CAMTA1: variants seen among roughly 807,000 people sequenced by gnomAD.
CAMTA1 encodes the protein calmodulin-binding transcription activator 1.
Under a neutral mutation model 170.9 loss-of-function variants are expected in CAMTA1, and 27 were observed. That is an observed-to-expected ratio of 0.16 (90% CI 0.12 to 0.22). The LOEUF is 0.22. Among genes scored for constraint, CAMTA1 ranks in the 10% least tolerant of loss-of-function variants. The pLI, the probability that CAMTA1 is intolerant of heterozygous loss-of-function variation, is 1.00. For synonymous variants in CAMTA1, 833 were observed against 891.5 expected (o/e 0.93, Z 1.17); for missense variants, 1,619 against 2,217.2 (o/e 0.73, Z 5.42).
chr1:7,167,464 T>G (rs1038779617), intron 4 of CAMTA1, among the ~76,000 whole-genome samples: 2 of 149,924 alleles, frequency 1.3e-5, no homozygotes, highest in African/African-American at 4.8e-5. Flanking sequence ...TATTCTTGTC[T>G]CAGCACACCA....
intron 5 of CAMTA1, among the ~76,000 whole-genome samples, chr1:7,403,676 G>A (rs1404108303): frequency 1.3e-5 from 2 of 152,156 alleles, no homozygotes; most frequent in African/African-American, 2.4e-5. Context: ...CTCTGAAGCC[G>A]AGGACCACCA....
chr1:7,608,470 A>G, intron 6 of CAMTA1, among the ~76,000 whole-genome samples: 1 of 152,198 alleles, frequency 6.6e-6, no homozygotes, highest in Admixed American at 6.5e-5. Context: ...AGGGCCTGAA[A>G]GGAGACAAAA....
intron 3 of CAMTA1, among the ~76,000 whole-genome samples, chr1:6,896,681 A>G (rs983060936): frequency 5.3e-5 from 8 of 152,160 alleles, no homozygotes; most frequent in Non-Finnish European, 7.4e-5. Context: ...AGAGGGTTCA[A>G]TTAACTACTT....
chr1:7,485,767 CA>C (rs1448028343), intron 6 of CAMTA1, among the ~76,000 whole-genome samples: 7 of 152,200 alleles, frequency 4.6e-5, no homozygotes, highest in Non-Finnish European at 1.0e-4. Context: ...ATGACTTATC[CA>C]GGGACACCCA....
chr1:6,788,158 T>TCTCC (rs111997145), intron 1 of CAMTA1, among the ~76,000 whole-genome samples: 88 of 150,094 alleles, frequency 5.9e-4, no homozygotes, highest in Middle Eastern at 3.4e-3. Context: ...CCTCCTCAGG[T>TCTCC]CTCCCTCCCT....
chr1:7,398,193 C>CTACATATATATATA (rs2089565761), intron 5 of CAMTA1, among the ~76,000 whole-genome samples: 1 of 16,892 alleles, frequency 5.9e-5, no homozygotes, highest in Non-Finnish European at 1.1e-4. Flanking sequence ...CTCTCTCTCT[C>CTACATATATATATA]TATATATATA....
chr1:7,359,560 A>AT (rs2149964228), intron 5 of CAMTA1, among the ~76,000 whole-genome samples: 1 of 152,218 alleles, frequency 6.6e-6, no homozygotes, highest in Non-Finnish European at 1.5e-5. Flanking sequence ...TTTACTTAGA[A>AT]TTCAGCTCCC....
At chr1:7,140,647 T>C (rs1273409165) in intron 4 of CAMTA1, among the ~76,000 whole-genome samples, 1 of 152,156 alleles carries the variant, frequency 6.6e-6, no homozygotes, top group Admixed American at 6.5e-5. Context: ...TCTACAAAAC[T>C]GAGTTTAAAA....
chr1:7,244,661 T>C (rs2149276043), intron 4 of CAMTA1, among the ~76,000 whole-genome samples: 1 of 151,612 alleles, frequency 6.6e-6, no homozygotes, highest in South Asian at 2.1e-4. Flanking sequence ...AAACACCACA[T>C]GTTCTCACTC....
intron 3 of CAMTA1, among the ~76,000 whole-genome samples, chr1:7,040,822 T>C (rs1364503340): frequency 2.6e-5 from 4 of 151,816 alleles, no homozygotes; most frequent in Admixed American, 6.6e-5. Flanking sequence ...GCCTCCCTGG[T>C]TGAAGCGATT....
chr1:7,068,854 C>T (rs530679261), intron 3 of CAMTA1, among the ~76,000 whole-genome samples: 3 of 152,162 alleles, frequency 2.0e-5, no homozygotes, highest in African/African-American at 7.2e-5. Context: ...TAGCACTTAC[C>T]GGGTGCTTTG....
At chr1:7,677,890 C>T (rs2096138865) in intron 11 of CAMTA1, among the ~76,000 whole-genome samples, 157 bp downstream of exon 11, 1 of 152,254 alleles carries the variant, frequency 6.6e-6, no homozygotes, top group African/African-American at 2.4e-5. Context: ...CACCGCCAGG[C>T]TGAGTGCCTA....
chr1:6,984,629 A>C (rs1695056220), intron 3 of CAMTA1, among the ~76,000 whole-genome samples: 1 of 134,224 alleles, frequency 7.5e-6, no homozygotes, highest in African/African-American at 2.7e-5. Context: ...GAAAATACTC[A>C]CAAAAAACAA....
At chr1:7,484,265 C>T (rs894815330) in intron 6 of CAMTA1, among the ~76,000 whole-genome samples, 2 of 152,136 alleles carry the variant, frequency 1.3e-5, no homozygotes, top group African/African-American at 4.8e-5. Context: ...CAGGCTGGCC[C>T]CCAGTCCCAG....
intron 5 of CAMTA1, among the ~76,000 whole-genome samples, chr1:7,415,561 A>G (rs1387428662): frequency 2.0e-5 from 3 of 151,910 alleles, no homozygotes; most frequent in African/African-American, 7.2e-5. Context: ...AGTCTGTTTT[A>G]TCAGAGACTA....
At chr1:6,798,059 C>T (rs115477359) in intron 1 of CAMTA1, among the ~76,000 whole-genome samples, 3,006 of 150,112 alleles carry the variant, frequency 0.02, 100 homozygotes, top group African/African-American at 0.069. Context: ...TGCGATGGCG[C>T]GATCTTGGTT....
intron 5 of CAMTA1, among the ~76,000 whole-genome samples, chr1:7,371,716 C>T (rs1389801601): frequency 1.3e-5 from 2 of 152,210 alleles, no homozygotes; most frequent in African/African-American, 4.8e-5. Context: ...CAGAAATCTG[C>T]CCACATCCCC....
At chr1:7,576,911 T>C (rs41319044) in intron 6 of CAMTA1, among the ~76,000 whole-genome samples, 22,722 of 152,192 alleles carry the variant, frequency 0.15, 5,506 homozygotes, top group African/African-American at 0.51. Flanking sequence ...AGGGAATTTG[T>C]TAATGAAGAT....
chr1:7,405,340 A>G (rs1332814615), intron 5 of CAMTA1, among the ~76,000 whole-genome samples: 1 of 151,852 alleles, frequency 6.6e-6, no homozygotes, highest in Non-Finnish European at 1.5e-5. Context: ...CTTAGAAAAA[A>G]AGCTTTTCTT....
Sources: gnomAD v4.1 joint callset for allele counts (sites outside exome capture counted in the v4.1 genomes callset) on GRCh38, gnomAD v4.1.1 for gene constraint, MANE v1.5 for transcripts, NCBI Gene and HGNC (gene_info 2026-07-23, HGNC 2026-07-21) for gene names.